Variants in CAB39L observed in about 807,000 individuals in gnomAD.
CAB39L encodes calcium binding protein 39 like, also known as calcium-binding protein 39-like.
CAB39L carries 23 observed loss-of-function variants against 39.1 expected under a neutral mutation model. That is an observed-to-expected ratio of 0.59 (90% confidence interval 0.42 to 0.83). The LOEUF (loss-of-function observed/expected upper bound fraction) is 0.83. CAB39L is among the 40% of genes least tolerant of loss of function. The pLI is 0.00. For synonymous variants in CAB39L, 126 were observed against 137.2 expected (o/e 0.92, Z 0.57); for missense variants, 366 against 391.9 (o/e 0.93, Z 0.56).
At chr13:49,353,139 A>G (rs1293624789) in intron 6 of CAB39L, among the ~76,000 whole-genome samples, 1 of 152,256 alleles carries the variant, frequency 6.6e-6, no homozygotes, top group Admixed American at 6.5e-5. Flanking sequence ...AAATGCTGAT[A>G]CATTCAGATA....
intron 10 of CAB39L, among the ~76,000 whole-genome samples, chr13:49,315,349 T>C (rs1273294621): frequency 6.6e-6 from 1 of 151,978 alleles, no homozygotes; most frequent in Non-Finnish European, 1.5e-5. Context: ...GGAAAAGGGT[T>C]TCCTAAGCTT....
chr13:49,324,771 TA>T (rs1954450701), intron 10 of CAB39L, among the ~76,000 whole-genome samples: 1 of 152,276 alleles, frequency 6.6e-6, no homozygotes, highest in Non-Finnish European at 1.5e-5. Context: ...TACAAAATGT[TA>T]AAATGTTACT....
At chr13:49,331,518 T>C (rs960087958) in intron 10 of CAB39L, among the ~76,000 whole-genome samples, 8 of 152,026 alleles carry the variant, frequency 5.3e-5, no homozygotes, top group Non-Finnish European at 1.2e-4. Context: ...GGGTTACTTT[T>C]CTATCATAAC....
chr13:49,409,521 G>T (rs1956946857), intron 3 of CAB39L, among the ~76,000 whole-genome samples: 1 of 151,624 alleles, frequency 6.6e-6, no homozygotes, highest in African/African-American at 2.4e-5. Context: ...TAGAAGATGA[G>T]AAAGGGATAA....
At chr13:49,415,092 G>C (rs1162664671) in intron 3 of CAB39L, among the ~76,000 whole-genome samples, 2 of 152,066 alleles carry the variant, frequency 1.3e-5, no homozygotes, top group African/African-American at 2.4e-5. Context: ...AGCTACTTGG[G>C]ACGCTGAGGT....
intron 10 of CAB39L, among the ~76,000 whole-genome samples, chr13:49,321,604 G>A (rs953711659): frequency 1.3e-5 from 2 of 152,196 alleles, no homozygotes; most frequent in African/African-American, 4.8e-5. Flanking sequence ...ACGACAGTAT[G>A]GCTGCCAGCT....
chr13:49,395,012 T>C (rs1376392016), intron 3 of CAB39L, among the ~76,000 whole-genome samples: 1 of 152,218 alleles, frequency 6.6e-6, no homozygotes, highest in Admixed American at 6.5e-5. Flanking sequence ...AAAATAATTT[T>C]GAAATGTTAA....
intron 5 of CAB39L, 102 bp from the exon 6 acceptor site, chr13:49,359,934 T>A (rs1955587929): frequency 3.3e-6 from 2 of 609,748 alleles, no homozygotes; most frequent in Admixed American, 6.3e-5. Context: ...ACAGAAATGG[T>A]ACCATCCTTT....
chr13:49,312,792 C>A lies in CAB39L; in HGVS notation c.835-1799G>T, dbSNP rs1954033965. 3.3e-5 allele frequency among the ~76,000 whole-genome samples: 5 copies of A among 152,196 alleles called. No homozygotes were observed. The South Asian group carries it at 1.0e-3, about 31-fold the overall frequency. On this transcript the variant is annotated intron_variant, in intron 10 of 10. Transcript: ENST00000409308. ...AAATATTTGTTCTTAACTATAAAAT[C>A]TTTCAAACAGAAAATAACATAACAA... is the stretch of plus-strand genomic sequence containing the variant.
At position 49,359,751 on chromosome 13, in the gene CAB39L, T is replaced by C; in HGVS notation, c.358A>G (p.Ser120Gly). 6.2e-7 allele frequency: 1 copy of C among 1,611,052 alleles called. No homozygotes were observed. Among genetic ancestry groups the C allele is most frequent in the Non-Finnish European group, 8.5e-7 (1 of 1,177,266 alleles). ...ATAAACAGGATATGAGGATGAGCAC[T>C]AATATACTCCACAGTAGGACTCCGA... The part of the protein sequence containing the change: ...GTRSPTVEYI[S>G]AHPHILFMLL... Residue 120 changes from serine (S) to glycine (G), a missense_variant, in exon 6 of 11, where the codon AGT becomes GGT. Physicochemically the swap from Ser to Gly is moderately conservative, Grantham distance 56. Coordinates refer to ENST00000409308, the MANE Select transcript of CAB39L (RefSeq NM_001079670.3).
chr13:49,355,903 T>G (rs1290543649), intron 6 of CAB39L, among the ~76,000 whole-genome samples: 1 of 152,156 alleles, frequency 6.6e-6, no homozygotes, highest in East Asian at 1.9e-4. Flanking sequence ...AATTGAGCAT[T>G]TATTCTGCCT....
rs1441228294 is a variant in CAB39L, at chr13:49,376,549, T to C, written c.276+418A>G. ...TAAAAGAACTGTCTGAATTTGAAGC[T>C]CTGAAGTAAGTGAGTGACTTTGGGC... On this transcript the variant is annotated intron_variant, in intron 5 of 10. Transcript: ENST00000409308. 2.6e-5 allele frequency among the ~76,000 whole-genome samples: 4 copies of C among 152,360 alleles called. No individual in the cohort carries two copies. The East Asian group carries it at 7.7e-4, about 29-fold the overall frequency.
intron 3 of CAB39L, among the ~76,000 whole-genome samples, chr13:49,402,075 T>C (rs1038072474): frequency 6.6e-5 from 10 of 152,118 alleles, no homozygotes; most frequent in Non-Finnish European, 1.2e-4. Context: ...TAGAAAAATA[T>C]TGACACCAAA....
chr13:49,318,194 G>A (rs576087255), intron 10 of CAB39L, among the ~76,000 whole-genome samples: 27 of 151,900 alleles, frequency 1.8e-4, no homozygotes, highest in Non-Finnish European at 3.8e-4. Context: ...AGGAATGATG[G>A]CTCATGCCTG....
chr13:49,443,739 TACCACCACCACAACCATCACCACC>T (rs1460778963), intron 1 of CAB39L, among the ~76,000 whole-genome samples: 1 of 151,826 alleles, frequency 6.6e-6, no homozygotes, highest in East Asian at 1.9e-4. Flanking sequence ...TCCCTACTAT[TACCACCACCACAACCATCACCACC>T]ACCACCACCA....
At chr13:49,329,254 T>C (rs1300530409) in intron 10 of CAB39L, among the ~76,000 whole-genome samples, 1 of 152,132 alleles carries the variant, frequency 6.6e-6, no homozygotes, top group African/African-American at 2.4e-5. Flanking sequence ...TTCTTCAAAA[T>C]TGCCATAGAT....
intron 6 of CAB39L, among the ~76,000 whole-genome samples, chr13:49,353,544 C>T (rs955257185): frequency 1.3e-4 from 20 of 152,220 alleles, no homozygotes; most frequent in Admixed American, 1.2e-3. Flanking sequence ...GCCCTTCTTA[C>T]ATTCCCACAA....
chr13:49,335,592 T>C (rs572661655), intron 9 of CAB39L, among the ~76,000 whole-genome samples: 5 of 152,216 alleles, frequency 3.3e-5, no homozygotes, highest in African/African-American at 1.2e-4. Flanking sequence ...GTATGCCTCA[T>C]AGTACATAGT....
intron 9 of CAB39L, among the ~76,000 whole-genome samples, chr13:49,337,602 T>C (rs761634352): frequency 1.3e-5 from 2 of 152,156 alleles, no homozygotes; most frequent in Non-Finnish European, 2.9e-5. Context: ...CAGATGTAAC[T>C]TGGTTTCACA....
Sources: gnomAD v4.1 joint callset for allele counts (sites outside exome capture counted in the v4.1 genomes callset) on GRCh38, gnomAD v4.1.1 for gene constraint, MANE v1.5 for transcripts, NCBI Gene and HGNC (gene_info 2026-07-23, HGNC 2026-07-21) for gene names.